The following OR14A2 variants were observed in gnomAD, a reference collection of about 807,000 sequenced individuals.
OR14A2 encodes the protein olfactory receptor 14A2.
For synonymous variants in OR14A2, 114 were observed against 58.6 expected (o/e 1.95, Z -4.32); for missense variants, 237 against 152.9 (o/e 1.55, Z -2.90).
the OR14A2 span, among the ~76,000 whole-genome samples, chr1:247,740,387 A>G: frequency 2.0e-4 from 31 of 152,308 alleles, 1 homozygote; most frequent in East Asian, 5.2e-3. Context: ...AATGTACTCA[A>G]TTTTATTGCA....
chr1:247,738,168 C>CT, the OR14A2 span, among the ~76,000 whole-genome samples: 1 of 152,204 alleles, frequency 6.6e-6, no homozygotes, highest in Non-Finnish European at 1.5e-5. Flanking sequence ...AGGATAATGA[C>CT]TATTTTAAAT....
the OR14A2 span, chr1:247,746,982 G>C: frequency 6.6e-6 from 1 of 152,148 alleles, no homozygotes; most frequent in Admixed American, 6.5e-5. Context: ...AAAAAAGGTA[G>C]ACAGTTTACA....
the OR14A2 span, chr1:247,746,809 AC>A: frequency 6.6e-6 from 1 of 152,210 alleles, no homozygotes; most frequent in Non-Finnish European, 1.5e-5. Flanking sequence ...CCTGCCTCTG[AC>A]CATCCTGCCA....
chr1:247,734,138 TATTA>T, the OR14A2 span, among the ~76,000 whole-genome samples: 5 of 152,184 alleles, frequency 3.3e-5, no homozygotes, highest in Non-Finnish European at 7.3e-5. Context: ...TTAAAGAGCT[TATTA>T]AGATAAAGTG....
chr1:247,730,053 A>G, the OR14A2 span, among the ~76,000 whole-genome samples: 40 of 152,100 alleles, frequency 2.6e-4, no homozygotes, highest in Non-Finnish European at 5.3e-4. Flanking sequence ...AATAATTACT[A>G]TATGTTTTGG....
chr1:247,726,323 A>T (rs1382310510), upstream of OR14A2, among the ~76,000 whole-genome samples: 1 of 131,252 alleles, frequency 7.6e-6, no homozygotes, highest in Non-Finnish European at 1.6e-5. Flanking sequence ...GGCTGCATAA[A>T]TGTCTTCTTT....
the OR14A2 span, chr1:247,747,012 T>C: frequency 2.0e-5 from 3 of 152,224 alleles, no homozygotes; most frequent in African/African-American, 7.2e-5. Flanking sequence ...TTTGTAAGCC[T>C]AGAAATATTT....
chr1:247,738,719 GGC>G, the OR14A2 span: 7 of 780,726 alleles, frequency 9.0e-6, no homozygotes, highest in Non-Finnish European at 1.4e-5. Flanking sequence ...TCTACCTCAC[GGC>G]TGTGCTGATG....
chr1:247,746,850 C>G, the OR14A2 span: 1 of 152,102 alleles, frequency 6.6e-6, no homozygotes, highest in African/African-American at 2.4e-5. Flanking sequence ...TCCCCTTATT[C>G]TGAAGAAAAT....
the OR14A2 span, among the ~76,000 whole-genome samples, chr1:247,736,030 C>T: frequency 6.6e-6 from 1 of 151,504 alleles, no homozygotes; most frequent in Non-Finnish European, 1.5e-5. Context: ...ATTGATCTTA[C>T]TCGAGAATGG....
upstream of OR14A2, among the ~76,000 whole-genome samples, chr1:247,725,514 T>C (rs973861642): frequency 6.7e-6 from 1 of 148,464 alleles, no homozygotes; most frequent in Non-Finnish European, 1.5e-5. Context: ...TATTTATTTA[T>C]TTTTTATTTA....
chr1:247,739,862 A>G, the OR14A2 span, among the ~76,000 whole-genome samples: 1 of 152,044 alleles, frequency 6.6e-6, no homozygotes, highest in African/African-American at 2.4e-5. Flanking sequence ...GGTGTATGCA[A>G]CCACGCCCAG....
At chr1:247,723,291 TATG>T (rs1382303750) in exon 1 of OR14A2, 42 of 717,364 alleles carry the variant, frequency 5.9e-5, no homozygotes, top group Non-Finnish European at 8.3e-5. Flanking sequence ...AATAAGCAGT[TATG>T]ATAAAAACAG....
At chr1:247,738,961 T>C in the OR14A2 span, 8 of 780,658 alleles carry the variant, frequency 1.0e-5, no homozygotes, top group African/African-American at 1.0e-4. Flanking sequence ...CTTACTGCCA[T>C]GTCCTATGAC....
chr1:247,739,413 A>G, the OR14A2 span: 2 of 780,620 alleles, frequency 2.6e-6, no homozygotes, highest in Admixed American at 1.7e-5. Context: ...TGCACCTTCT[A>G]TTCTAGACTT....
At chr1:247,732,686 T>C in the OR14A2 span, among the ~76,000 whole-genome samples, 6 of 152,290 alleles carry the variant, frequency 3.9e-5, no homozygotes, top group East Asian at 9.6e-4. Context: ...TCACCAAAAC[T>C]GAAAGAAACT....
chr1:247,746,031 C>T, the OR14A2 span, among the ~76,000 whole-genome samples: 1 of 152,158 alleles, frequency 6.6e-6, no homozygotes, highest in African/African-American at 2.4e-5. Context: ...ATGGGCACAG[C>T]CGTTCATGGT....
chr1:247,744,947 A>G, the OR14A2 span, among the ~76,000 whole-genome samples: 1 of 152,188 alleles, frequency 6.6e-6, no homozygotes, highest in Non-Finnish European at 1.5e-5. This position sits in a 1 kb window ranked among gnomAD's most constrained non-coding sequence, Gnocchi z 4.3. Context: ...TACTCTGTTC[A>G]GTGTATGGTA....
chr1:247,733,299 T>C, the OR14A2 span, among the ~76,000 whole-genome samples: 30 of 152,198 alleles, frequency 2.0e-4, no homozygotes, highest in Non-Finnish European at 1.6e-4. Flanking sequence ...ATCAGAAAAC[T>C]GATTTGAAAG....
Sources: allele counts gnomAD v4.1 joint callset (sites outside exome capture counted in the v4.1 genomes callset), GRCh38; gene constraint gnomAD v4.1.1; non-coding constraint Gnocchi (gnomAD v3.1); transcripts MANE v1.5; gene names NCBI Gene and HGNC (gene_info 2026-07-23, HGNC 2026-07-21).